PHKA2: variants seen among roughly 807,000 people sequenced by gnomAD.
PHKA2 encodes the protein phosphorylase kinase regulatory subunit alpha 2.
Under a neutral mutation model 102.0 loss-of-function variants are expected in PHKA2, and 31 were observed. The ratio of observed to expected loss-of-function variants is 0.30; its 90% CI spans 0.23 to 0.41. PHKA2 has a LOEUF of 0.41. PHKA2 is among the 10% of genes least tolerant of loss of function. PHKA2 has a pLI of 1.00. For missense variants in PHKA2, 858 were observed against 1,023.1 expected (o/e 0.84, Z 2.20); for synonymous variants, 455 against 416.2 (o/e 1.09, Z -1.13).
chrX:18,924,641 C>T, intron 15 of PHKA2, 116 bp from the exon 16 acceptor site: 2 of 710,208 alleles, frequency 2.8e-6, no homozygotes, highest in South Asian at 4.5e-5. Flanking sequence ...AGGCTCAGTA[C>T]TCGTTTCAAT....
In PHKA2 at chrX:18,924,109, A is replaced by G; in HGVS notation, c.1740T>C (p.Ser580=). ...MLTNDGSDIH[S]AVLSTIRKLE... ...GTTTTCTAATTGTGGAGAGCACAGCAGAATGAATGTCTGAGCCATCATTTG... is the reference window on the plus strand; with the variant it reads ...GTTTTCTAATTGTGGAGAGCACAGCGGAATGAATGTCTGAGCCATCATTTG... Residue 580 remains serine, a synonymous_variant, in exon 17 of 33, where the codon TCT becomes TCC. Coordinates refer to ENST00000379942, the MANE Select transcript of PHKA2 (RefSeq NM_000292.3). The G allele has an allele frequency of 8.3e-7, 1 of 1,204,517 alleles. No homozygotes were observed. Among genetic ancestry groups the G allele is most frequent in the Non-Finnish European group, 1.1e-6 (1 of 888,475 alleles).
intron 11 of PHKA2, among the ~76,000 whole-genome samples, chrX:18,933,989 G>A (rs1049451901): frequency 2.7e-5 from 3 of 112,217 alleles, no homozygotes; most frequent in South Asian, 3.7e-4. Flanking sequence ...AGTAGAACTG[G>A]ACGGCTCTTC....
intron 1 of PHKA2, among the ~76,000 whole-genome samples, chrX:18,970,254 T>G (rs2049002572): frequency 8.9e-6 from 1 of 112,025 alleles, no homozygotes; most frequent in Non-Finnish European, 1.9e-5. Flanking sequence ...AAGTATATAT[T>G]TATCATATAC....
At chrX:18,981,215 G>A (rs2049167065) in intron 1 of PHKA2, among the ~76,000 whole-genome samples, 1 of 111,387 alleles carries the variant, frequency 9.0e-6, no homozygotes, top group Admixed American at 9.6e-5. Flanking sequence ...ACTAGTTGTG[G>A]GGGTGAATGG....
intron 1 of PHKA2, among the ~76,000 whole-genome samples, chrX:18,957,393 C>G (rs1601784702): frequency 1.8e-5 from 2 of 111,710 alleles, no homozygotes; most frequent in African/African-American, 6.5e-5. Context: ...GAGAAAAAGG[C>G]TGCCCTGTCT....
At chrX:18,956,326 A>AAAC (rs912231577) in intron 1 of PHKA2, among the ~76,000 whole-genome samples, 1 of 111,556 alleles carries the variant, frequency 9.0e-6, no homozygotes, top group Non-Finnish European at 1.9e-5. Flanking sequence ...TTTGTCTCAA[A>AAAC]AACAACAACA....
intron 10 of PHKA2, among the ~76,000 whole-genome samples, chrX:18,936,935 ATTG>A (rs1423424821): frequency 8.9e-6 from 1 of 112,356 alleles, no homozygotes; most frequent in Non-Finnish European, 1.9e-5. Flanking sequence ...TCCCCCCATC[ATTG>A]TTAAGCCTAT....
At chrX:18,953,174 A>G (rs1471951673) in intron 2 of PHKA2, among the ~76,000 whole-genome samples, 2 of 112,298 alleles carry the variant, frequency 1.8e-5, no homozygotes, top group Non-Finnish European at 3.8e-5. Flanking sequence ...TGCCAAGAGA[A>G]TGATTTTTAT....
chrX:18,903,322 C>G lies in PHKA2; in HGVS notation c.2909-1719G>C, dbSNP rs149863595. On this transcript the variant is annotated intron_variant, in intron 26 of 32. Coordinates refer to ENST00000379942, the MANE Select transcript of PHKA2 (RefSeq NM_000292.3). Reference sequence around the variant, plus strand: ...ATTAATATTTTTCTAAAGGGTTCGTCATGACTAATGTGTAGGACCCACATG... The same window carrying G: ...ATTAATATTTTTCTAAAGGGTTCGTGATGACTAATGTGTAGGACCCACATG... Among the ~76,000 whole-genome samples the G allele has an allele frequency of 9.3e-3, 1,047 of 112,502 alleles. 4 individuals are homozygous for G. The highest frequency in any genetic ancestry group is 0.016 in the Non-Finnish European group (835 of 53,233).
intron 4 of PHKA2, 40 bp from the exon 5 acceptor site, chrX:18,948,866 A>G: frequency 1.1e-6 from 1 of 882,731 alleles, no homozygotes. Flanking sequence ...GCCATGTTGC[A>G]GAGAGCTGCC....
At chrX:18,938,878 C>G in intron 9 of PHKA2, 129 bp from the exon 10 acceptor site, 1 of 591,409 alleles carries the variant, frequency 1.7e-6, no homozygotes, top group Non-Finnish European at 2.8e-6. Context: ...TAGGATTTTA[C>G]TATAATGAGA....
intron 1 of PHKA2, among the ~76,000 whole-genome samples, chrX:18,971,479 AT>A (rs1339318581): frequency 1.8e-5 from 2 of 112,078 alleles, no homozygotes; most frequent in African/African-American, 6.5e-5. Context: ...GATTTAAAAT[AT>A]TTTTTTGGTT....
chrX:18,904,611 G>C (rs2047769662), intron 26 of PHKA2, among the ~76,000 whole-genome samples: 2 of 111,959 alleles, frequency 1.8e-5, no homozygotes, highest in Admixed American at 9.5e-5. Context: ...CTCTGCCTTG[G>C]AAAGAACTGG....
At chrX:18,939,278 T>C (rs2048448467) in intron 9 of PHKA2, among the ~76,000 whole-genome samples, 1 of 110,809 alleles carries the variant, frequency 9.0e-6, no homozygotes, top group Admixed American at 9.6e-5. Context: ...TGGGCTCAAG[T>C]GATCCTACCA....
chrX:18,980,589 CAT>C (rs1192408797), intron 1 of PHKA2, among the ~76,000 whole-genome samples: 4 of 112,092 alleles, frequency 3.6e-5, no homozygotes, highest in Non-Finnish European at 7.5e-5. Context: ...TCTTTGCTCA[CAT>C]GTTTTCTTGC....
At position 18,892,495 on chromosome X, in the gene PHKA2, T is replaced by TGAA. The variant is rs1223047013; in HGVS notation, c.*987_*989dup. 8 of 111,904 alleles carry TGAA rather than the reference T, an allele frequency of 7.1e-5. No homozygotes were observed. 9.2% of individuals were successfully genotyped at this position (111,904 alleles called of 1,213,427 possible). ...CTCCAACTGCACCCACCCAAGAGAG[T>TGAA]GAAGACCAAAGTGCTTCTACCAAGA... On this transcript the variant is annotated 3_prime_UTR_variant, in exon 33 of 33. Coordinates refer to ENST00000379942, the MANE Select transcript of PHKA2 (RefSeq NM_000292.3).
chrX:18,952,450 C>T (rs1282348398), intron 3 of PHKA2, 44 bp downstream of exon 3: 2 of 1,106,019 alleles, frequency 1.8e-6, no homozygotes, highest in Non-Finnish European at 2.5e-6. Context: ...ATTACAATGA[C>T]ATGGAATGCC....
At chrX:18,964,478 A>T (rs2048911659) in intron 1 of PHKA2, among the ~76,000 whole-genome samples, 1 of 112,571 alleles carries the variant, frequency 8.9e-6, no homozygotes, top group Non-Finnish European at 1.9e-5. Context: ...TTCAAATAAA[A>T]TACGCACAAG....
rs755762693 is a variant in PHKA2, at chrX:18,908,014, G to C, written c.2403C>G (p.Val801=). The C allele has an allele frequency of 2.6e-5, 32 of 1,209,415 alleles. No homozygotes were observed. The South Asian group carries it at 5.6e-4, about 21-fold the overall frequency. Residue 801 remains valine, a synonymous_variant, in exon 22 of 33, where the codon GTC becomes GTG. Coordinates refer to ENST00000379942, the MANE Select transcript of PHKA2 (RefSeq NM_000292.3). ...GCTCACCAAGAAGGTTTTGAACGGT[G>C]ACCCCGTGCTGTCCAGAGAGATTTG... is the stretch of plus-strand genomic sequence containing the variant. ...WDTNLSGQHG[V]TVQNLLGELY...
Sources: allele counts gnomAD v4.1 joint callset (sites outside exome capture counted in the v4.1 genomes callset), GRCh38; gene constraint gnomAD v4.1.1; transcripts MANE v1.5; gene names NCBI Gene and HGNC (gene_info 2026-07-23, HGNC 2026-07-21).